The following LMLN variants were observed in gnomAD, a reference collection of about 807,000 sequenced individuals.
LMLN encodes the protein leishmanolysin-like peptidase.
LMLN carries 70 observed loss-of-function variants against 92.3 expected under a neutral mutation model. That is an observed-to-expected ratio of 0.76 (90% CI 0.63 to 0.92). The LOEUF (loss-of-function observed/expected upper bound fraction) is 0.92. Ranked by LOEUF, LMLN falls within the 40% of genes least tolerant of loss-of-function variation. LMLN has a pLI of 0.00. For synonymous variants in LMLN, 308 were observed against 296.2 expected (o/e 1.04, Z -0.41); for missense variants, 691 against 814.6 (o/e 0.85, Z 1.85).
chr3:197,996,453 C>T lies in LMLN; in HGVS notation c.1155+171C>T. 5 of 460,038 alleles carry T rather than the reference C, an allele frequency of 1.1e-5. No homozygotes were observed. The East Asian group carries it at 1.8e-4, about 17-fold the overall frequency. The allele number at this position is 460,038 out of a possible 1,614,324, so 28.5% of individuals were successfully genotyped here. On this transcript the variant is annotated intron_variant, in intron 10 of 15. Coordinates refer to ENST00000330198, the Ensembl canonical transcript of LMLN. ...TCACTCCTTACTTTTTTTGTATATA[C>T]TTTCATAAATGTTATATATGTATGT...
intron 6 of LMLN, among the ~76,000 whole-genome samples, chr3:197,981,511 G>A (rs1721557410): frequency 6.6e-6 from 1 of 152,220 alleles, no homozygotes; most frequent in South Asian, 2.1e-4. Flanking sequence ...AATAATGACT[G>A]TTCATCTAAT....
intron 14 of LMLN, among the ~76,000 whole-genome samples, chr3:198,029,544 C>T (rs150435524): frequency 1.3e-5 from 2 of 152,180 alleles, no homozygotes; most frequent in Admixed American, 6.5e-5. Flanking sequence ...TGGTGGCCGC[C>T]TGCCTGTGAT....
At chr3:198,010,730 C>T (rs1343790910) in intron 11 of LMLN, among the ~76,000 whole-genome samples, 3 of 152,120 alleles carry the variant, frequency 2.0e-5, no homozygotes, top group African/African-American at 2.4e-5. Context: ...GGATTATAGT[C>T]GTGAGCCACT....
In LMLN at chr3:197,960,459, G is replaced by GA. The variant is rs1720827919; in HGVS notation, c.219+20dup. The GA allele has an allele frequency of 3.7e-6, 6 of 1,608,280 alleles. No individual in the cohort carries two copies. In the African/African-American group the frequency reaches 6.7e-5, roughly 18 times the overall value. On this transcript the variant is annotated intron_variant, in intron 1 of 15. Transcript: ENST00000330198. The stretch of plus-strand genomic sequence containing the variant: ...CACTGAGGTAGGGCGACATGGGCGG[G>GA]AGCGGGCCCTCTCAGGGTAAAGTCA...
At chr3:197,978,851 C>G (rs1233348231) in intron 5 of LMLN, among the ~76,000 whole-genome samples, 2 of 151,954 alleles carry the variant, frequency 1.3e-5, no homozygotes, top group Non-Finnish European at 2.9e-5. Context: ...GTTAGCTGGG[C>G]ATGGTGGTGG....
At chr3:198,023,087 C>T (rs970293309) in intron 13 of LMLN, among the ~76,000 whole-genome samples, 5 of 152,108 alleles carry the variant, frequency 3.3e-5, no homozygotes, top group Non-Finnish European at 5.9e-5. Context: ...TGATTCAGCT[C>T]AGCCGTTACC....
chr3:197,996,796 C>T (rs1350082746), intron 10 of LMLN, among the ~76,000 whole-genome samples: 1 of 151,998 alleles, frequency 6.6e-6, no homozygotes, highest in Non-Finnish European at 1.5e-5. Flanking sequence ...AGAGACAGGG[C>T]CTCACTGTGT....
chr3:197,985,691 T>G, intron 7 of LMLN, 105 bp from the exon 8 acceptor site: 1 of 644,550 alleles, frequency 1.6e-6, no homozygotes, highest in Non-Finnish European at 2.8e-6. Context: ...AGCACTGGCG[T>G]GGTGCTTCTA....
intron 10 of LMLN, among the ~76,000 whole-genome samples, chr3:197,998,406 A>G (rs1722084598): frequency 6.6e-6 from 1 of 152,158 alleles, no homozygotes; most frequent in South Asian, 2.1e-4. Flanking sequence ...TATTCCTCCC[A>G]TGGGAAGTGT....
chr3:198,006,966 C>T (rs1722312495), intron 11 of LMLN, among the ~76,000 whole-genome samples: 2 of 152,190 alleles, frequency 1.3e-5, no homozygotes, highest in African/African-American at 2.4e-5. Context: ...CTGCCTCAGC[C>T]TCCCAAAGTG....
rs1242168735 is a variant in LMLN, at chr3:197,996,250, G to T, written c.1123G>T (p.Glu375Ter). 1 of 1,602,766 alleles carries T rather than the reference G, an allele frequency of 6.2e-7. No individual in the cohort carries two copies. Among genetic ancestry groups the T allele is most frequent in the South Asian group, 1.1e-5 (1 of 89,636 alleles). ...TGAAAATCAAGGTGGTGTGGGCACT[G>T]AGCTCAACCATTGGGAAAAAAGGTT... is the stretch of plus-strand genomic sequence containing the variant. Residue 375 changes from glutamate (E) to a stop codon, truncating the protein, a stop_gained, in exon 10 of 16, where the codon GAG becomes TAG. Transcript: ENST00000330198. LOFTEE classifies it high-confidence loss of function.
At chr3:197,974,388 A>G in exon 2 of LMLN, 1 of 1,582,256 alleles carries the variant, frequency 6.3e-7, no homozygotes, top group South Asian at 1.1e-5. Flanking sequence ...TCATAAATAA[A>G]GTTCATCTTA....
rs1163968953 is a variant in LMLN at position 198,025,271 on chromosome 3, A to G, written c.1656+483A>G. ...GCAACAAAGCGAGACCCTGTCTCCA[A>G]AAAATAAAGGAAAAAGAATAAATCA... is the stretch of plus-strand genomic sequence containing the variant. On this transcript the variant is annotated intron_variant, in intron 14 of 15. Coordinates refer to ENST00000330198, the Ensembl canonical transcript of LMLN. The surrounding 1 kb of genome is among the most constrained non-coding windows in gnomAD (Gnocchi z 4.3). Among the ~76,000 whole-genome samples the G allele has an allele frequency of 1.6e-5, 1 of 62,134 alleles. No homozygotes were observed. The highest frequency in any genetic ancestry group is 3.0e-5 in the Non-Finnish European group (1 of 32,896). The allele number at this position is 62,134 out of a possible 152,430, so 40.8% of individuals were successfully genotyped here.
intron 14 of LMLN, among the ~76,000 whole-genome samples, chr3:198,027,213 C>CCCATTACCACTCCCATT (rs1722956462): frequency 1.3e-5 from 2 of 152,108 alleles, no homozygotes; most frequent in Admixed American, 1.3e-4. Flanking sequence ...TTACCCTCGT[C>CCCATTACCACTCCCATT]ACCCGGCCAA....
At chr3:198,037,101 T>C (rs554376260) in intron 15 of LMLN, among the ~76,000 whole-genome samples, 2 of 152,270 alleles carry the variant, frequency 1.3e-5, no homozygotes, top group South Asian at 4.2e-4. Flanking sequence ...AGGAGCACCT[T>C]AAATTTGTTG....
At chr3:198,011,995 C>T (rs149046533) in intron 11 of LMLN, among the ~76,000 whole-genome samples, 9,809 of 152,188 alleles carry the variant, frequency 0.064, 374 homozygotes, top group African/African-American at 0.099. Flanking sequence ...GGGCTAATAT[C>T]GAGAATCTAC....
chr3:197,971,128 G>A (rs1249342024), intron 1 of LMLN, among the ~76,000 whole-genome samples: 5 of 151,952 alleles, frequency 3.3e-5, no homozygotes, highest in Non-Finnish European at 7.4e-5. Flanking sequence ...AATGCCATTC[G>A]TACTTCTCTT....
chr3:198,022,603 C>T (rs555535269), intron 13 of LMLN, among the ~76,000 whole-genome samples: 3 of 152,324 alleles, frequency 2.0e-5, no homozygotes, highest in South Asian at 2.1e-4. Flanking sequence ...CGCCTGTAAT[C>T]GCAGCACTTT....
intron 14 of LMLN, among the ~76,000 whole-genome samples, chr3:198,032,385 G>A (rs1249442816): frequency 1.3e-5 from 2 of 152,128 alleles, no homozygotes; most frequent in East Asian, 3.9e-4. Flanking sequence ...GCTGTACTTA[G>A]TTTTCCCCAG....
Sources: allele counts gnomAD v4.1 joint callset (sites outside exome capture counted in the v4.1 genomes callset), GRCh38; gene constraint gnomAD v4.1.1; non-coding constraint Gnocchi (gnomAD v3.1); transcripts MANE v1.5; gene names NCBI Gene and HGNC (gene_info 2026-07-23, HGNC 2026-07-21).